Variants in BIN3 observed in about 807,000 individuals in gnomAD.
BIN3 encodes the protein bridging integrator 3.
A neutral mutation model predicts 38.2 loss-of-function variants in BIN3; 41 were observed. The observed-to-expected ratio is 1.07, with a 90% confidence interval of 0.84 to 1.39. BIN3 has a LOEUF of 1.39. BIN3 is among the 40% of genes most tolerant of loss of function. BIN3 has a pLI of 0.00. For missense variants in BIN3, 361 were observed against 324.3 expected (o/e 1.11, Z -0.87); for synonymous variants, 145 against 122.6 (o/e 1.18, Z -1.21).
chr8:22,621,381 G>A lies in BIN3; in HGVS notation c.*41C>T, dbSNP rs777281096. 6 of 1,590,722 alleles carry A rather than the reference G, an allele frequency of 3.8e-6. No individual in the cohort carries two copies. The South Asian group carries it at 4.5e-5, about 12-fold the overall frequency. ...CCCTGAGAAGGGCAAGGATGAATGA[G>A]GCTGACCACGTCACAGGAGTCCTCC... On this transcript the variant is annotated 3_prime_UTR_variant, in exon 9 of 9. Coordinates refer to ENST00000276416, the MANE Select transcript of BIN3 (RefSeq NM_018688.6).
intron 4 of BIN3, among the ~76,000 whole-genome samples, chr8:22,633,297 C>A (rs1212155529): frequency 6.6e-6 from 1 of 152,184 alleles, no homozygotes; most frequent in African/African-American, 2.4e-5. Context: ...CAGTGTGACT[C>A]TGTTCCCCCT....
chr8:22,655,429 G>A (rs1263689721), intron 1 of BIN3, among the ~76,000 whole-genome samples: 3 of 152,158 alleles, frequency 2.0e-5, no homozygotes, highest in Non-Finnish European at 2.9e-5. Flanking sequence ...TTAGGTCATT[G>A]ATCCATTTTG....
chr8:22,647,953 C>T (rs920848735), intron 1 of BIN3, among the ~76,000 whole-genome samples: 10 of 150,274 alleles, frequency 6.7e-5, no homozygotes, highest in South Asian at 2.1e-4. Flanking sequence ...GGTGAAACGC[C>T]GTCTCTACTA....
chr8:22,639,035 CG>C (rs1802456920), intron 2 of BIN3, among the ~76,000 whole-genome samples: 5 of 152,148 alleles, frequency 3.3e-5, no homozygotes, highest in Admixed American at 3.3e-4. Flanking sequence ...GCTAAAGGAA[CG>C]GAAAGACTCT....
At chr8:22,644,708 A>G (rs745665893) in intron 2 of BIN3, 47 bp downstream of exon 2, 8 of 1,572,114 alleles carry the variant, frequency 5.1e-6, no homozygotes, top group African/African-American at 1.3e-5. Flanking sequence ...TGCAAAGGCC[A>G]TGTGATACAG....
rs555991720 is a variant in BIN3, at chr8:22,633,274, A to G, written c.161-2696T>C. On this transcript the variant is annotated intron_variant, in intron 4 of 8. Transcript: ENST00000276416. ...CCCTTGAGCCCAGGAGTTCGAGACC[A>G]GCCTGGATGACACAGTGTGACTCTG... 2.0e-5 allele frequency among the ~76,000 whole-genome samples: 3 copies of G among 152,254 alleles called. No individual in the cohort carries two copies. In the South Asian group the frequency reaches 6.2e-4, roughly 32 times the overall value.
At chr8:22,624,656 G>C in intron 6 of BIN3, 1 of 348,866 alleles carries the variant, frequency 2.9e-6, no homozygotes. Context: ...GTGGGGTTGT[G>C]GGCCAGGTCC....
chr8:22,629,585 G>C lies in BIN3; in HGVS notation c.338+379C>G, dbSNP rs530610141. On this transcript the variant is annotated intron_variant, in intron 6 of 8. Transcript: ENST00000276416. ...CTGCTCTCCCAAGCTGGCGGGGCAA[G>C]ATGAAAGGCCTTGCTCATGTCCGCT... 6 of 253,686 alleles carry C rather than the reference G, an allele frequency of 2.4e-5. No individual in the cohort carries two copies. The East Asian group carries it at 4.6e-4, about 19-fold the overall frequency. 15.7% of individuals were successfully genotyped at this position (253,686 alleles called of 1,614,324 possible). A position where few individuals can be genotyped will look rare whatever the true frequency, so the allele number is the denominator to read the frequency against.
In BIN3 at chr8:22,667,046, C is replaced by G. The variant is rs2117609884; in HGVS notation, c.8+1998G>C. ...GTGTGCCCAGGCGCCGGTGCTGTTC[C>G]CGTCTTTGAGAGACAGGGTCAGGGT... On this transcript the variant is annotated intron_variant, in intron 1 of 8. Coordinates refer to ENST00000276416, the MANE Select transcript of BIN3 (RefSeq NM_018688.6). Among the ~76,000 whole-genome samples the G allele has an allele frequency of 2.0e-5, 3 of 152,304 alleles. No homozygotes were observed. The South Asian group carries it at 6.2e-4, about 32-fold the overall frequency.
Position 22,621,459 on chromosome 8 carries a change from C to T in BIN3, c.725G>A (p.Ser242Asn). The change falls in exon 9 of 9, where the codon AGT becomes AAT. Residue 242 changes from serine (S) to asparagine (N), a missense_variant. Ser to Asn is a conservative substitution (Grantham distance 46). Transcript: ENST00000276416. The part of the protein sequence containing the change: ...QRERENEAKL[S>N]ELRALSIVAD... ...CACAATGGAGAGGGCCCGGAGCTCACTGAGTTTGGCCTCGTTCTCCCGCTC... is the reference window on the plus strand; with the variant it reads ...CACAATGGAGAGGGCCCGGAGCTCATTGAGTTTGGCCTCGTTCTCCCGCTC... 6.2e-7 allele frequency: 1 copy of T among 1,613,866 alleles called. No homozygotes were observed. The highest frequency in any genetic ancestry group is 8.5e-7 in the Non-Finnish European group (1 of 1,179,872).
chr8:22,632,527 G>A (rs1369939759), intron 4 of BIN3, among the ~76,000 whole-genome samples: 2 of 152,092 alleles, frequency 1.3e-5, no homozygotes, highest in Non-Finnish European at 1.5e-5. Context: ...AGGAACAAAC[G>A]TTACGTATAA....
intron 1 of BIN3, among the ~76,000 whole-genome samples, chr8:22,648,906 T>TGTAC (rs1802794284): frequency 1.2e-5 from 1 of 84,956 alleles, no homozygotes; most frequent in African/African-American, 2.8e-5. Context: ...TATGTATGTA[T>TGTAC]GTATGTATGT....
chr8:22,629,109 A>G (rs575252444), intron 6 of BIN3, among the ~76,000 whole-genome samples: 86 of 152,354 alleles, frequency 5.6e-4, no homozygotes, highest in African/African-American at 1.9e-3. Flanking sequence ...ATCAACGAAC[A>G]GCTCAGCAAT....
intron 2 of BIN3, among the ~76,000 whole-genome samples, chr8:22,643,893 A>G (rs1021891345): frequency 4.6e-5 from 7 of 152,224 alleles, no homozygotes; most frequent in African/African-American, 1.7e-4. Flanking sequence ...GTTAAAACCA[A>G]GAGACCCACT....
At chr8:22,655,623 A>C (rs966791882) in intron 1 of BIN3, among the ~76,000 whole-genome samples, 1 of 152,158 alleles carries the variant, frequency 6.6e-6, no homozygotes, top group Admixed American at 6.5e-5. Context: ...CCATTCATCT[A>C]CATGTCCATC....
intron 1 of BIN3, among the ~76,000 whole-genome samples, chr8:22,649,812 A>AACACACAC (rs571224082): frequency 2.6e-4 from 23 of 89,154 alleles, no homozygotes; most frequent in Admixed American, 1.2e-4. Flanking sequence ...CGCAAAGGAC[A>AACACACAC]ACACACACAC....
At chr8:22,630,662 A>G (rs905671866) in intron 4 of BIN3, 84 bp from the exon 5 acceptor site, 28 of 1,519,734 alleles carry the variant, frequency 1.8e-5, no homozygotes, top group Non-Finnish European at 2.1e-5. Flanking sequence ...CTCCTATGCC[A>G]GGGGCCTGCA....
intron 4 of BIN3, among the ~76,000 whole-genome samples, chr8:22,631,562 C>G (rs1176048486): frequency 6.6e-6 from 1 of 152,234 alleles, no homozygotes; most frequent in Admixed American, 6.5e-5. Context: ...CCTCCAAGGT[C>G]AAACGGCTGA....
At chr8:22,644,337 T>G (rs892689055) in intron 2 of BIN3, among the ~76,000 whole-genome samples, 1 of 152,254 alleles carries the variant, frequency 6.6e-6, no homozygotes. Flanking sequence ...CCGAGGCCAC[T>G]GGGAAAAGCT....
Sources: gnomAD v4.1 joint callset for allele counts (sites outside exome capture counted in the v4.1 genomes callset) on GRCh38, gnomAD v4.1.1 for gene constraint, MANE v1.5 for transcripts, NCBI Gene and HGNC (gene_info 2026-07-23, HGNC 2026-07-21) for gene names.